Variants in RBPMS2 observed in about 807,000 individuals in gnomAD.
The protein encoded by RBPMS2 is RNA-binding protein with multiple splicing 2.
Under a neutral mutation model 25.7 loss-of-function variants are expected in RBPMS2, and 14 were observed. That is an observed-to-expected ratio of 0.55 (90% CI 0.36 to 0.85). RBPMS2 has a LOEUF of 0.85. Among genes scored for constraint, RBPMS2 ranks in the 40% least tolerant of loss-of-function variants. RBPMS2 has a pLI of 0.01. For missense variants in RBPMS2, 252 were observed against 283.4 expected (o/e 0.89, Z 0.80); for synonymous variants, 127 against 115.6 (o/e 1.10, Z -0.63).
At chr15:64,760,341 T>C (rs1368482791) in intron 1 of RBPMS2, among the ~76,000 whole-genome samples, 1 of 152,184 alleles carries the variant, frequency 6.6e-6, no homozygotes, top group Non-Finnish European at 1.5e-5. Context: ...ACAAGCCCGA[T>C]GCTGAGGGAT....
intron 6 of RBPMS2, among the ~76,000 whole-genome samples, chr15:64,741,941 G>A (rs566917531): frequency 2.6e-5 from 4 of 152,250 alleles, no homozygotes; most frequent in African/African-American, 7.2e-5. Context: ...CGAGGTGGGC[G>A]GACCACCTGA....
intron 6 of RBPMS2, among the ~76,000 whole-genome samples, chr15:64,744,789 G>GTTTTTTTTTTTTTTTTTTT (rs1567062867): frequency 1.6e-5 from 1 of 61,604 alleles, no homozygotes; most frequent in African/African-American, 6.1e-5. Flanking sequence ...AGTTTTTTTG[G>GTTTTTTTTTTTTTTTTTTT]TTTGTTTTGT....
At chr15:64,756,606 C>T (rs571532041) in intron 1 of RBPMS2, among the ~76,000 whole-genome samples, 3 of 150,488 alleles carry the variant, frequency 2.0e-5, no homozygotes, top group Non-Finnish European at 2.9e-5. Flanking sequence ...GCCACTTCAT[C>T]TTTCCGAATC....
intron 1 of RBPMS2, among the ~76,000 whole-genome samples, chr15:64,768,916 C>G (rs1312315020): frequency 1.3e-5 from 2 of 150,868 alleles, no homozygotes; most frequent in Non-Finnish European, 2.9e-5. Flanking sequence ...CTGGCTAACA[C>G]GATGAAACCC....
chr15:64,744,941 AGT>A (rs979385673), intron 6 of RBPMS2, among the ~76,000 whole-genome samples: 2 of 148,610 alleles, frequency 1.3e-5, no homozygotes, highest in African/African-American at 5.0e-5. Flanking sequence ...CAGCCTCCTG[AGT>A]AGCTGGGGTT....
At chr15:64,769,906 C>T (rs998931505) in intron 1 of RBPMS2, among the ~76,000 whole-genome samples, 6 of 151,930 alleles carry the variant, frequency 3.9e-5, no homozygotes, top group Non-Finnish European at 7.4e-5. Context: ...CCCGGCTGGG[C>T]GCGGTGGCTC....
At chr15:64,746,455 C>T (rs550966182) in intron 6 of RBPMS2, among the ~76,000 whole-genome samples, 2 of 152,356 alleles carry the variant, frequency 1.3e-5, no homozygotes, top group South Asian at 4.1e-4. Context: ...GCGAACAACA[C>T]ACCTATCAAG....
intron 5 of RBPMS2, 104 bp from the exon 6 acceptor site, chr15:64,748,671 G>T: frequency 7.3e-7 from 1 of 1,374,082 alleles, no homozygotes; most frequent in Non-Finnish European, 9.8e-7. Flanking sequence ...CCACACTGAG[G>T]CCAGACCACC....
intron 1 of RBPMS2, among the ~76,000 whole-genome samples, chr15:64,771,249 G>T (rs1199566990): frequency 6.6e-6 from 1 of 152,152 alleles, no homozygotes; most frequent in Non-Finnish European, 1.5e-5. Context: ...CAAAAAAGTG[G>T]TTTTTAAAAA....
chr15:64,756,301 C>T (rs1225708211), intron 1 of RBPMS2, among the ~76,000 whole-genome samples: 1 of 152,038 alleles, frequency 6.6e-6, no homozygotes, highest in Non-Finnish European at 1.5e-5. Flanking sequence ...GGATCACTTG[C>T]GGTCAGGAGC....
At chr15:64,742,280 C>G (rs1233665025) in intron 6 of RBPMS2, among the ~76,000 whole-genome samples, 1 of 152,256 alleles carries the variant, frequency 6.6e-6, no homozygotes, top group East Asian at 1.9e-4. Context: ...TGAGACCCAG[C>G]TGAGGCTCCC....
chr15:64,768,012 G>C (rs2083861261), intron 1 of RBPMS2, among the ~76,000 whole-genome samples: 1 of 152,176 alleles, frequency 6.6e-6, no homozygotes, highest in African/African-American at 2.4e-5. Flanking sequence ...CTCTGGGGCA[G>C]ACTAAACAGA....
chr15:64,760,777 G>A (rs1230754406), intron 1 of RBPMS2, among the ~76,000 whole-genome samples: 1 of 151,536 alleles, frequency 6.6e-6, no homozygotes, highest in Non-Finnish European at 1.5e-5. Context: ...ACTCCAGCTT[G>A]GGCAAAAAGA....
intron 6 of RBPMS2, among the ~76,000 whole-genome samples, chr15:64,743,129 C>G (rs556906081): frequency 6.6e-6 from 1 of 152,352 alleles, no homozygotes; most frequent in Admixed American, 6.5e-5. Flanking sequence ...CCTCCGGCAG[C>G]CCCACAGCAA....
chr15:64,743,848 T>A (rs968261687), intron 6 of RBPMS2, among the ~76,000 whole-genome samples: 11 of 152,190 alleles, frequency 7.2e-5, no homozygotes, highest in Non-Finnish European at 1.0e-4. Flanking sequence ...CTCACGCCTG[T>A]AATCCCAGCA....
intron 4 of RBPMS2, 28 bp from the exon 5 acceptor site, chr15:64,749,178 G>T: frequency 6.2e-7 from 1 of 1,613,216 alleles, no homozygotes; most frequent in Non-Finnish European, 8.5e-7. Context: ...AGAAGAGAAA[G>T]GCTTACTCCG....
intron 7 of RBPMS2, 68 bp downstream of exon 7, chr15:64,741,104 AG>A (rs2083557473): frequency 1.6e-6 from 2 of 1,220,448 alleles, no homozygotes; most frequent in Middle Eastern, 1.9e-4. Flanking sequence ...GGGCAGAGGG[AG>A]GAACTACGGC....
chr15:64,744,747 T>C (rs1405729400), intron 6 of RBPMS2, among the ~76,000 whole-genome samples: 2 of 149,902 alleles, frequency 1.3e-5, no homozygotes, highest in Non-Finnish European at 3.0e-5. Flanking sequence ...AGAGCTACAC[T>C]TACTATTATT....
At chr15:64,742,259 G>T (rs2083569761) in intron 6 of RBPMS2, among the ~76,000 whole-genome samples, 1 of 152,244 alleles carries the variant, frequency 6.6e-6, no homozygotes, top group African/African-American at 2.4e-5. Flanking sequence ...ATTCTTCTGA[G>T]AAGCCATGGA....
Sources: allele counts gnomAD v4.1 joint callset (sites outside exome capture counted in the v4.1 genomes callset), GRCh38; gene constraint gnomAD v4.1.1; transcripts MANE v1.5; gene names NCBI Gene and HGNC (gene_info 2026-07-23, HGNC 2026-07-21).